MPP7: variants seen among roughly 807,000 people sequenced by gnomAD.
The protein encoded by MPP7 is MAGUK p55 subfamily member 7.
A neutral mutation model predicts 76.5 loss-of-function variants in MPP7; 60 were observed. That is an observed-to-expected ratio of 0.78 (90% CI 0.64 to 0.97). MPP7 has a LOEUF of 0.97. Among genes scored for constraint, MPP7 ranks in the 50% least tolerant of loss-of-function variants. The probability of loss-of-function intolerance (pLI) is 0.00; values close to 1 mark genes in which losing one functional copy is unlikely to be tolerated. For synonymous variants in MPP7, 237 were observed against 244.5 expected (o/e 0.97, Z 0.29); for missense variants, 641 against 694.0 (o/e 0.92, Z 0.86).
intron 1 of MPP7, among the ~76,000 whole-genome samples, chr10:28,300,949 GAAAA>G (rs71523600): frequency 9.2e-6 from 1 of 108,556 alleles, no homozygotes; most frequent in African/African-American, 3.4e-5. Flanking sequence ...CTCCACCTCA[GAAAA>G]AAAAAAAAAA....
chr10:28,094,129 G>A (rs207470769), intron 11 of MPP7, among the ~76,000 whole-genome samples: 10 of 152,176 alleles, frequency 6.6e-5, no homozygotes, highest in African/African-American at 1.2e-4. Flanking sequence ...TCTGCTCCCC[G>A]CGGGGCAGCC....
chr10:28,310,879 G>A (rs943521437), intron 2 of MPP7, among the ~76,000 whole-genome samples: 7 of 152,232 alleles, frequency 4.6e-5, no homozygotes, highest in East Asian at 1.9e-4. Context: ...AAGCAATTGC[G>A]GGTTTTGCCA....
chr10:28,316,427 TCTGTC>T (rs1834320893), intron 2 of MPP7, among the ~76,000 whole-genome samples: 1 of 91,686 alleles, frequency 1.1e-5, no homozygotes, highest in South Asian at 4.2e-4. Flanking sequence ...AGAGTAAGAC[TCTGTC>T]TTTAAAAAAA....
chr10:28,329,698 C>G (rs539257180), intron 2 of MPP7, among the ~76,000 whole-genome samples: 25 of 149,336 alleles, frequency 1.7e-4, no homozygotes, highest in African/African-American at 6.1e-4. Context: ...AGCTGAGAAA[C>G]TTTCCTTAAT....
At chr10:28,102,145 T>C (rs1853855074) in intron 11 of MPP7, among the ~76,000 whole-genome samples, 1 of 152,138 alleles carries the variant, frequency 6.6e-6, no homozygotes, top group African/African-American at 2.4e-5. Context: ...ATGTTATTAT[T>C]ACAATTTAAT....
chr10:28,276,223 G>T (rs1000515779), intron 1 of MPP7, among the ~76,000 whole-genome samples: 1 of 151,412 alleles, frequency 6.6e-6, no homozygotes, highest in African/African-American at 2.4e-5. Flanking sequence ...TAGAGACGGG[G>T]TTTCACCATA....
At chr10:28,184,341 G>A (rs552713332) in intron 3 of MPP7, among the ~76,000 whole-genome samples, 3 of 147,368 alleles carry the variant, frequency 2.0e-5, no homozygotes, top group African/African-American at 7.4e-5. Flanking sequence ...CATATTAAAT[G>A]TATCTTTATC....
intron 12 of MPP7, among the ~76,000 whole-genome samples, chr10:28,077,311 C>T (rs913370297): frequency 1.6e-4 from 25 of 152,060 alleles, no homozygotes; most frequent in African/African-American, 5.8e-4. Context: ...GGAAAATTTT[C>T]CCTAAATTAG....
intron 5 of MPP7, among the ~76,000 whole-genome samples, chr10:28,144,326 T>C (rs926487530): frequency 7.2e-5 from 11 of 152,124 alleles, no homozygotes; most frequent in Non-Finnish European, 1.0e-4. Flanking sequence ...TCCACTTTTT[T>C]ATAAGCTCAC....
intron 2 of MPP7, among the ~76,000 whole-genome samples, chr10:28,220,579 T>C (rs1838468105): frequency 6.6e-6 from 1 of 152,178 alleles, no homozygotes; most frequent in Admixed American, 6.5e-5. Flanking sequence ...AATTCAAATC[T>C]TACCTCTCAT....
intron 2 of MPP7, among the ~76,000 whole-genome samples, chr10:28,211,824 A>T (rs1029110607): frequency 2.6e-5 from 4 of 152,076 alleles, no homozygotes; most frequent in African/African-American, 9.7e-5. Context: ...GGATATAAGG[A>T]AGGATATGGG....
At chr10:28,277,283 T>A (rs1207451064) in intron 1 of MPP7, among the ~76,000 whole-genome samples, 1 of 151,730 alleles carries the variant, frequency 6.6e-6, no homozygotes, top group Non-Finnish European at 1.5e-5. Flanking sequence ...TCCAATCTTT[T>A]GGCTTTCCTG....
intron 2 of MPP7, among the ~76,000 whole-genome samples, chr10:28,315,172 G>T (rs552633599): frequency 7.5e-6 from 1 of 133,112 alleles, no homozygotes; most frequent in Non-Finnish European, 1.5e-5. Context: ...GAGAGAGAGA[G>T]AAAAACAAAG....
chr10:28,064,634 G>A (rs974166600), intron 13 of MPP7, among the ~76,000 whole-genome samples: 1 of 152,240 alleles, frequency 6.6e-6, no homozygotes, highest in African/African-American at 2.4e-5. Context: ...TGAGAAGTAC[G>A]GAAAATGTAA....
intron 1 of MPP7, among the ~76,000 whole-genome samples, chr10:28,274,391 G>A (rs940399072): frequency 1.3e-5 from 2 of 151,770 alleles, no homozygotes; most frequent in African/African-American, 2.4e-5. Context: ...AAGCCACCGC[G>A]CCCGGCCAAA....
intron 1 of MPP7, among the ~76,000 whole-genome samples, chr10:28,293,712 C>T (rs1840975631): frequency 6.6e-6 from 1 of 152,188 alleles, no homozygotes; most frequent in Non-Finnish European, 1.5e-5. Flanking sequence ...TCCCTTCACC[C>T]AACCAGCAGG....
intron 2 of MPP7, among the ~76,000 whole-genome samples, chr10:28,229,968 G>T (rs1838828290): frequency 6.6e-6 from 1 of 151,928 alleles, no homozygotes; most frequent in South Asian, 2.1e-4. Flanking sequence ...AAAAGAGAAT[G>T]AAAATACATG....
chr10:28,070,271 T>C lies in MPP7; in HGVS notation c.1124-419A>G, dbSNP rs1036818901. On this transcript the variant is annotated intron_variant, in intron 12 of 16. Transcript: ENST00000683449. Reference sequence around the variant, plus strand: ...AAAATTAGCCAGGCATGGTGGCGGGTGCCTGTAGTCCCAGCTACTCAGGAG... The same window carrying C: ...AAAATTAGCCAGGCATGGTGGCGGGCGCCTGTAGTCCCAGCTACTCAGGAG... Among the ~76,000 whole-genome samples the C allele has an allele frequency of 9.9e-5, 15 of 151,936 alleles. 1 individual carries two copies. Among genetic ancestry groups the C allele is most frequent in the African/African-American group, 2.4e-4 (10 of 41,436 alleles).
intron 1 of MPP7, among the ~76,000 whole-genome samples, chr10:28,245,725 G>A (rs1021823558): frequency 6.6e-5 from 10 of 150,964 alleles, no homozygotes; most frequent in Admixed American, 2.0e-4. Context: ...GTGCGATCTC[G>A]GCTCACAGCA....
Sources: gnomAD v4.1 joint callset for allele counts (sites outside exome capture counted in the v4.1 genomes callset) on GRCh38, gnomAD v4.1.1 for gene constraint, MANE v1.5 for transcripts, NCBI Gene and HGNC (gene_info 2026-07-23, HGNC 2026-07-21) for gene names.